RUNX2: variants seen among roughly 807,000 people sequenced by gnomAD.
The protein encoded by RUNX2 is runt-related transcription factor 2.
Under a neutral mutation model 51.7 loss-of-function variants are expected in RUNX2, and 10 were observed. That is an observed-to-expected ratio of 0.19 (90% confidence interval 0.12 to 0.33). RUNX2 has a LOEUF of 0.33. RUNX2 is among the 10% of genes least tolerant of loss of function. RUNX2 has a pLI of 1.00. For synonymous variants in RUNX2, 276 were observed against 273.6 expected (o/e 1.01, Z -0.09); for missense variants, 562 against 691.3 (o/e 0.81, Z 2.10).
rs191143905 is a variant in RUNX2 at position 45,392,684 on chromosome 6, T to C, written c.59-29909T>C. Among the ~76,000 whole-genome samples, 10 of 147,512 alleles carry C rather than the reference T, an allele frequency of 6.8e-5. No homozygotes were observed. The East Asian group carries it at 1.8e-3, about 26-fold the overall frequency. On this transcript the variant is annotated intron_variant, in intron 2 of 8. Transcript: ENST00000647337. ...TAATGTTAATTTCTAGGTGTGGAAA[T>C]TACCTAGAAAATGCCTAGATCTATT...
chr6:45,371,760 T>C (rs939804309), intron 2 of RUNX2: 64 of 820,506 alleles, frequency 7.8e-5, no homozygotes, highest in Non-Finnish European at 8.8e-5. Context: ...AAATCTTAGG[T>C]AGATGGATAA....
chr6:45,383,281 C>A (rs1582055115), intron 2 of RUNX2, among the ~76,000 whole-genome samples: 2 of 151,856 alleles, frequency 1.3e-5, no homozygotes, highest in Non-Finnish European at 2.9e-5. Context: ...AAAAAACACA[C>A]AAAAAATTAG....
chr6:45,413,580 G>A (rs772630473), intron 2 of RUNX2, among the ~76,000 whole-genome samples: 7 of 151,556 alleles, frequency 4.6e-5, no homozygotes, highest in African/African-American at 1.5e-4. Context: ...ACAGGTACAC[G>A]CTACCACACC....
chr6:45,445,893 G>A (rs936709652), intron 5 of RUNX2, among the ~76,000 whole-genome samples: 2 of 152,128 alleles, frequency 1.3e-5, no homozygotes, highest in Non-Finnish European at 2.9e-5. Flanking sequence ...GTGCTCTTGA[G>A]AAGACCAGTT....
chr6:45,355,393 T>G (rs1792961071), intron 2 of RUNX2, among the ~76,000 whole-genome samples: 1 of 151,548 alleles, frequency 6.6e-6, no homozygotes, highest in Non-Finnish European at 1.5e-5. Flanking sequence ...AAATACTTCA[T>G]TTATTATAGA....
intron 7 of RUNX2, among the ~76,000 whole-genome samples, chr6:45,513,226 A>C (rs1157007078): frequency 6.8e-6 from 1 of 146,036 alleles, no homozygotes; most frequent in African/African-American, 2.4e-5. Flanking sequence ...TGAATAAGAA[A>C]AGAAACCTCT....
At chr6:45,334,036 A>C (rs1395950022) in intron 2 of RUNX2, among the ~76,000 whole-genome samples, 1 of 151,346 alleles carries the variant, frequency 6.6e-6, no homozygotes, top group African/African-American at 2.4e-5. Context: ...AGTTAACATT[A>C]TTCCCAGAAA....
At chr6:45,415,585 G>A (rs1298755864) in intron 2 of RUNX2, among the ~76,000 whole-genome samples, 1 of 152,180 alleles carries the variant, frequency 6.6e-6, no homozygotes, top group African/African-American at 2.4e-5. Context: ...CACTGGAAAA[G>A]CTAGCTTTAT....
intron 4 of RUNX2, among the ~76,000 whole-genome samples, chr6:45,436,448 CG>C (rs547060319): frequency 2.3e-4 from 35 of 152,134 alleles, no homozygotes; most frequent in African/African-American, 8.4e-4. Context: ...GAGATCTAAG[CG>C]GGGAGGATTA....
chr6:45,525,136 A>G (rs1481693231), intron 7 of RUNX2, among the ~76,000 whole-genome samples: 1 of 152,192 alleles, frequency 6.6e-6, no homozygotes, highest in Non-Finnish European at 1.5e-5. Context: ...GAACTGACCT[A>G]AAAGATTCCA....
intron 2 of RUNX2, among the ~76,000 whole-genome samples, chr6:45,390,499 TAAAG>T (rs998682605): frequency 1.1e-4 from 16 of 152,344 alleles, no homozygotes; most frequent in African/African-American, 3.4e-4. Flanking sequence ...ATTGGGAACT[TAAAG>T]AAGATGAGAA....
chr6:45,428,671 A>T (rs1368862083), intron 3 of RUNX2, among the ~76,000 whole-genome samples: 2 of 152,190 alleles, frequency 1.3e-5, no homozygotes, highest in Non-Finnish European at 2.9e-5. Flanking sequence ...TAAGCACAGT[A>T]AAATGGATGT....
At chr6:45,384,880 AT>A (rs964228208) in intron 2 of RUNX2, among the ~76,000 whole-genome samples, 2 of 151,668 alleles carry the variant, frequency 1.3e-5, no homozygotes, top group African/African-American at 4.8e-5. Flanking sequence ...TTTTAAAAAA[AT>A]TTTATGGAGA....
rs544389921 is a variant in RUNX2, at chr6:45,430,334, A to T, written c.424-1529A>T. Among the ~76,000 whole-genome samples, 24 of 152,246 alleles carry T rather than the reference A, an allele frequency of 1.6e-4. No homozygotes were observed. The East Asian group carries it at 4.3e-3, about 27-fold the overall frequency. On this transcript the variant is annotated intron_variant, in intron 3 of 8. Coordinates refer to ENST00000647337, the MANE Select transcript of RUNX2 (RefSeq NM_001024630.4). ...ATGAGGATCACTTGAGTACATTGGG[A>T]GGCTGGGGAAAGTGGGGCCTGTAAT...
At position 45,419,924 on chromosome 6, in the gene RUNX2, A is replaced by C. The variant is rs940660932; in HGVS notation, c.59-2669A>C. Among the ~76,000 whole-genome samples the C allele has an allele frequency of 5.7e-5, 8 of 141,208 alleles. No homozygotes were observed. The East Asian group carries it at 1.7e-3, about 29-fold the overall frequency. 92.6% of individuals were successfully genotyped at this position (141,208 alleles called of 152,430 possible). ...TGGCAGGCGGCGGCTGTGGGGCGGG[A>C]GGGGCGCGGCTTGGGGCTAGTGTCT... On this transcript the variant is annotated intron_variant, in intron 2 of 8. Coordinates refer to ENST00000647337, the MANE Select transcript of RUNX2 (RefSeq NM_001024630.4).
chr6:45,423,002 A>C (rs970512177), intron 3 of RUNX2, 45 bp downstream of exon 3: 4 of 1,580,494 alleles, frequency 2.5e-6, no homozygotes, highest in South Asian at 1.1e-5. Context: ...GAGCGGCGGA[A>C]CCTGCCCGCC....
chr6:45,479,614 G>GA (rs1800053169), intron 5 of RUNX2, among the ~76,000 whole-genome samples: 1 of 151,916 alleles, frequency 6.6e-6, no homozygotes, highest in South Asian at 2.1e-4. Context: ...GTGGAAAAGG[G>GA]AATATATTTC....
chr6:45,345,178 T>TA (rs1790594823), intron 2 of RUNX2, among the ~76,000 whole-genome samples: 1 of 152,184 alleles, frequency 6.6e-6, no homozygotes, highest in African/African-American at 2.4e-5. Flanking sequence ...TGACACTTTA[T>TA]AAAAATATCA....
At chr6:45,376,347 C>G (rs927956648) in intron 2 of RUNX2, among the ~76,000 whole-genome samples, 5 of 152,214 alleles carry the variant, frequency 3.3e-5, no homozygotes, top group Admixed American at 6.5e-5. Context: ...CTCGGAAGGA[C>G]TCTCAAAATC....
Sources: allele counts gnomAD v4.1 joint callset (sites outside exome capture counted in the v4.1 genomes callset), GRCh38; gene constraint gnomAD v4.1.1; transcripts MANE v1.5; gene names NCBI Gene and HGNC (gene_info 2026-07-23, HGNC 2026-07-21).